Variants in UBL3 observed in about 807,000 individuals in gnomAD.
The protein encoded by UBL3 is ubiquitin-like protein 3.
A neutral mutation model predicts 18.4 loss-of-function variants in UBL3; 6 were observed. The observed-to-expected ratio is 0.33, with a 90% confidence interval of 0.18 to 0.64. The LOEUF (loss-of-function observed/expected upper bound fraction) is 0.64, where lower values mean the gene tolerates loss of function less well. Ranked by LOEUF, UBL3 falls within the 30% of genes least tolerant of loss-of-function variation. The pLI, the probability that UBL3 is intolerant of heterozygous loss-of-function variation, is 0.76. For synonymous variants in UBL3, 49 were observed against 46.6 expected, an observed-to-expected ratio of 1.05 and a Z score of -0.21; for missense variants, 109 against 142.9, an observed-to-expected ratio of 0.76 and a Z score of 1.21.
intron 1 of UBL3, chr13:29,777,489 A>T (rs772726346): frequency 3.1e-6 from 2 of 639,262 alleles, no homozygotes; most frequent in South Asian, 2.8e-5. Flanking sequence ...TATTTGCCAT[A>T]ATAAATGAAC....
intron 3 of UBL3, among the ~76,000 whole-genome samples, chr13:29,771,359 A>G (rs935614869): frequency 1.3e-5 from 2 of 152,066 alleles, no homozygotes; most frequent in Non-Finnish European, 2.9e-5. Context: ...AATATACCCC[A>G]TAAGGGGGCA....
intron 1 of UBL3, among the ~76,000 whole-genome samples, chr13:29,800,908 G>A (rs1239007782): frequency 6.6e-6 from 1 of 150,856 alleles, no homozygotes; most frequent in Non-Finnish European, 1.5e-5. Context: ...GACTGACAGG[G>A]ACCCCCCCAC....
chr13:29,785,804 T>A (rs1276535013), intron 1 of UBL3, among the ~76,000 whole-genome samples: 1 of 152,168 alleles, frequency 6.6e-6, no homozygotes, highest in African/African-American at 2.4e-5. Flanking sequence ...TCTCATAACC[T>A]TGAAGCTATG....
chr13:29,814,252 T>C (rs997673147), intron 1 of UBL3, among the ~76,000 whole-genome samples: 2 of 152,110 alleles, frequency 1.3e-5, no homozygotes, highest in African/African-American at 4.8e-5. Flanking sequence ...ACAAGGTCTT[T>C]CAGCAGTTAC....
rs1876648322 is a variant in UBL3 at position 29,765,301 on chromosome 13, T to C, written c.*1954A>G. On this transcript the variant is annotated 3_prime_UTR_variant, in exon 5 of 5. Transcript: ENST00000380680. ...TTGTTTAATTGCCCAATTAAGCAAC[T>C]ACCAGATTCTTTAGTCAACACTAAC... 6.6e-6 allele frequency: 1 copy of C among 152,164 alleles called. No individual in the cohort carries two copies. The highest frequency in any genetic ancestry group is 1.5e-5 in the Non-Finnish European group (1 of 67,998). 9.4% of individuals were successfully genotyped at this position (152,164 alleles called of 1,614,324 possible). A position where few individuals can be genotyped will look rare whatever the true frequency, so the allele number is the denominator to read the frequency against.
At chr13:29,840,599 G>A (rs1879073215) in intron 1 of UBL3, among the ~76,000 whole-genome samples, 1 of 152,090 alleles carries the variant, frequency 6.6e-6, no homozygotes, top group Admixed American at 6.5e-5. Context: ...TACCATTTGA[G>A]TAATGTAAAA....
At chr13:29,800,384 A>G (rs1325348701) in intron 1 of UBL3, among the ~76,000 whole-genome samples, 1 of 152,210 alleles carries the variant, frequency 6.6e-6, no homozygotes. Context: ...GAGGAGAGAG[A>G]GGAGCACTTG....
chr13:29,835,153 TATATATATATATA>T (rs1878921654), intron 1 of UBL3, among the ~76,000 whole-genome samples: 2 of 30,498 alleles, frequency 6.6e-5, no homozygotes, highest in East Asian at 2.2e-3. Context: ...TATATATATA[TATATATATATATA>T]TATATATATA....
At chr13:29,840,046 GAAAT>G (rs1264541620) in intron 1 of UBL3, among the ~76,000 whole-genome samples, 2 of 150,378 alleles carry the variant, frequency 1.3e-5, no homozygotes, top group Non-Finnish European at 3.0e-5. Flanking sequence ...TTAAATAGAA[GAAAT>G]AAAGGTAAAG....
intron 1 of UBL3, among the ~76,000 whole-genome samples, chr13:29,803,599 C>CA (rs1877826552): frequency 6.9e-6 from 1 of 144,846 alleles, no homozygotes; most frequent in Non-Finnish European, 1.5e-5. Flanking sequence ...ATCTACCAAG[C>CA]AAATGGAAAA....
At chr13:29,839,537 T>C (rs1290168591) in intron 1 of UBL3, among the ~76,000 whole-genome samples, 7 of 152,158 alleles carry the variant, frequency 4.6e-5, no homozygotes, top group African/African-American at 1.7e-4. Flanking sequence ...ATCTGTATTC[T>C]CAGCTACTTG....
rs371072770 is a variant in UBL3 at position 29,843,286 on chromosome 13, TTTG to T, written c.27+6223_27+6225del. Among the ~76,000 whole-genome samples the T allele has an allele frequency of 2.3e-3, 350 of 152,274 alleles. 3 individuals carry two copies. The highest frequency in any genetic ancestry group is 8.3e-3 in the African/African-American group (345 of 41,562). On this transcript the variant is annotated intron_variant, in intron 1 of 4. Transcript: ENST00000380680. Reference sequence around the variant, plus strand: ...AAAACAGAAATTAAAAGATTAAAATTTTGTTTTTACTTTACTATTTTAACTATC... The same window carrying T: ...AAAACAGAAATTAAAAGATTAAAATTTTTTTACTTTACTATTTTAACTATC...
intron 1 of UBL3, among the ~76,000 whole-genome samples, chr13:29,835,104 AT>A (rs1566000943): frequency 0.015 from 429 of 27,936 alleles, 34 homozygotes; most frequent in African/African-American, 0.023. Context: ...ATATATATAT[AT>A]AAATATATAT....
chr13:29,768,796 C>T (rs1876758609), intron 3 of UBL3, among the ~76,000 whole-genome samples: 1 of 152,024 alleles, frequency 6.6e-6, no homozygotes, highest in Admixed American at 6.6e-5. Flanking sequence ...CTAGGCCTGA[C>T]TTAAATCAAA....
chr13:29,788,307 T>C (rs1035753878), intron 1 of UBL3, among the ~76,000 whole-genome samples: 2 of 152,240 alleles, frequency 1.3e-5, no homozygotes, highest in African/African-American at 2.4e-5. Context: ...ACTTATTCTA[T>C]GCTATTATCA....
At chr13:29,848,139 G>A (rs899481121) in intron 1 of UBL3, among the ~76,000 whole-genome samples, 2 of 152,022 alleles carry the variant, frequency 1.3e-5, no homozygotes, top group Non-Finnish European at 2.9e-5. Flanking sequence ...AACATCTGGC[G>A]TTTTAAAATT....
chr13:29,785,512 T>C (rs748813645), intron 1 of UBL3, among the ~76,000 whole-genome samples: 1 of 152,200 alleles, frequency 6.6e-6, no homozygotes, highest in Admixed American at 6.5e-5. Context: ...TTTTAATATG[T>C]AAATTTTAAA....
At chr13:29,793,525 C>T (rs1877534273) in intron 1 of UBL3, among the ~76,000 whole-genome samples, 3 of 152,074 alleles carry the variant, frequency 2.0e-5, no homozygotes, top group South Asian at 4.1e-4. Context: ...TAGCAATGTT[C>T]TATTTATTTA....
intron 1 of UBL3, among the ~76,000 whole-genome samples, chr13:29,793,751 T>A (rs538513665): frequency 1.3e-5 from 2 of 152,340 alleles, no homozygotes; most frequent in South Asian, 4.1e-4. Context: ...GGATACAAAG[T>A]CTGGAAAAGA....
Sources: gnomAD v4.1 joint callset for allele counts (sites outside exome capture counted in the v4.1 genomes callset) on GRCh38, gnomAD v4.1.1 for gene constraint, MANE v1.5 for transcripts, NCBI Gene and HGNC (gene_info 2026-07-23, HGNC 2026-07-21) for gene names.